Variants in AKAP19 observed in about 807,000 individuals in gnomAD.
AKAP19 encodes the protein small A-kinase anchoring protein.
the AKAP19 span, among the ~76,000 whole-genome samples, chr2:190,029,299 G>C: frequency 6.6e-6 from 1 of 151,980 alleles, no homozygotes; most frequent in African/African-American, 2.4e-5. Context: ...TAATCTGCCC[G>C]CCTCGGCCTC....
chr2:190,200,068 T>C, the AKAP19 span: 1 of 1,614,082 alleles, frequency 6.2e-7, no homozygotes, highest in South Asian at 1.1e-5. Flanking sequence ...TCAGGATATC[T>C]TGTGTGATGC....
chr2:190,180,825 C>G, the AKAP19 span: 4 of 985,182 alleles, frequency 4.1e-6, no homozygotes, highest in Non-Finnish European at 4.8e-6. This position sits in a 1 kb window ranked among gnomAD's most constrained non-coding sequence, Gnocchi z 6.8. Context: ...GAGGAGGGGC[C>G]GGGAGCCCGG....
the AKAP19 span, among the ~76,000 whole-genome samples, chr2:189,931,659 C>G: frequency 5.3e-5 from 8 of 152,100 alleles, no homozygotes; most frequent in Non-Finnish European, 1.2e-4. Context: ...AAGTGATCCT[C>G]CTGCCTCAGC....
the AKAP19 span, among the ~76,000 whole-genome samples, chr2:189,980,385 C>A: frequency 9.2e-5 from 14 of 152,322 alleles, no homozygotes; most frequent in African/African-American, 3.1e-4. Flanking sequence ...GTTGCCCAGG[C>A]TGGAGTGCAG....
At chr2:189,927,901 C>T in the AKAP19 span, among the ~76,000 whole-genome samples, 1 of 152,168 alleles carries the variant, frequency 6.6e-6, no homozygotes, top group Non-Finnish European at 1.5e-5. Flanking sequence ...AGATATAGAA[C>T]ACTACCATCA....
chr2:190,056,418 A>C, the AKAP19 span: 1 of 152,564 alleles, frequency 6.6e-6, no homozygotes, highest in Non-Finnish European at 1.5e-5. Flanking sequence ...TTTTCCAAAG[A>C]CAAAATTACA....
chr2:190,047,780 T>C, the AKAP19 span, among the ~76,000 whole-genome samples: 1 of 152,202 alleles, frequency 6.6e-6, no homozygotes, highest in Non-Finnish European at 1.5e-5. Flanking sequence ...AGAGGCTGAA[T>C]GACATACCGG....
At chr2:190,132,655 A>G in the AKAP19 span, among the ~76,000 whole-genome samples, 46 of 152,174 alleles carry the variant, frequency 3.0e-4, no homozygotes, top group Non-Finnish European at 6.3e-4. Flanking sequence ...ACACACTTAA[A>G]CATAAGACCT....
chr2:190,103,490 G>A, the AKAP19 span, among the ~76,000 whole-genome samples: 2 of 152,210 alleles, frequency 1.3e-5, no homozygotes, highest in South Asian at 4.1e-4. Context: ...CTTCAGTAAA[G>A]TTTCAGGATA....
At chr2:190,194,481 C>CAG in the AKAP19 span, among the ~76,000 whole-genome samples, 1 of 93,284 alleles carries the variant, frequency 1.1e-5, no homozygotes, top group Non-Finnish European at 2.0e-5. Context: ...TGTGTATACA[C>CAG]ACACACACAC....
the AKAP19 span, chr2:190,060,448 A>G: frequency 1.4e-5 from 22 of 1,600,130 alleles, no homozygotes; most frequent in Non-Finnish European, 1.8e-5. Flanking sequence ...ATAAATGAAT[A>G]AGAAAAGAAA....
the AKAP19 span, among the ~76,000 whole-genome samples, chr2:189,989,099 T>A: frequency 2.0e-5 from 3 of 152,230 alleles, no homozygotes; most frequent in African/African-American, 7.2e-5. Context: ...AACATTTTGT[T>A]AGCCACTATA....
the AKAP19 span, among the ~76,000 whole-genome samples, chr2:189,914,542 G>C: frequency 6.6e-6 from 1 of 152,216 alleles, no homozygotes; most frequent in South Asian, 2.1e-4. Flanking sequence ...TTATGAACCA[G>C]AGTGTATAAT....
chr2:190,145,763 C>T, the AKAP19 span, among the ~76,000 whole-genome samples: 6 of 151,558 alleles, frequency 4.0e-5, no homozygotes, highest in African/African-American at 1.2e-4. Context: ...TTTCTCAGAA[C>T]GAATTTCTGT....
chr2:190,015,575 T>C, the AKAP19 span, among the ~76,000 whole-genome samples: 1 of 152,236 alleles, frequency 6.6e-6, no homozygotes. Flanking sequence ...CTCCATCATC[T>C]TGGCTATTAA....
At chr2:190,119,006 C>T in the AKAP19 span, among the ~76,000 whole-genome samples, 2 of 152,162 alleles carry the variant, frequency 1.3e-5, no homozygotes, top group African/African-American at 4.8e-5. Flanking sequence ...AGCTGATAGG[C>T]AACTTCAGCA....
the AKAP19 span, among the ~76,000 whole-genome samples, chr2:189,909,194 G>T: frequency 3.3e-5 from 5 of 151,644 alleles, no homozygotes; most frequent in South Asian, 4.2e-4. Flanking sequence ...TCTTTTGGTT[G>T]CCATTTGCAT....
the AKAP19 span, among the ~76,000 whole-genome samples, chr2:189,987,439 C>T: frequency 0.59 from 90,210 of 152,162 alleles, 30,917 homozygotes; most frequent in South Asian, 0.78. Flanking sequence ...GGGAATTACA[C>T]TGCCAATGGG....
chr2:189,896,002 C>G, the AKAP19 span, among the ~76,000 whole-genome samples: 9 of 75,164 alleles, frequency 1.2e-4, no homozygotes, highest in Non-Finnish European at 2.8e-4. Context: ...AAGTGAGACC[C>G]TGTCTCAAAA....
Sources: allele counts gnomAD v4.1 joint callset (sites outside exome capture counted in the v4.1 genomes callset), GRCh38; gene constraint gnomAD v4.1.1; non-coding constraint Gnocchi (gnomAD v3.1); transcripts MANE v1.5; gene names NCBI Gene and HGNC (gene_info 2026-07-23, HGNC 2026-07-21).